GPHN: variants seen among roughly 807,000 people sequenced by gnomAD.
GPHN encodes the protein gephyrin.
In GPHN, 17 loss-of-function variants were observed where a neutral mutation model predicts 95.5. The ratio of observed to expected loss-of-function variants is 0.18; its 90% CI spans 0.12 to 0.27. The LOEUF is 0.27. GPHN is among the 10% of genes least tolerant of loss of function. GPHN has a pLI of 1.00. For missense variants in GPHN, 660 were observed against 978.1 expected (o/e 0.67, Z 4.34); for synonymous variants, 320 against 322.5 (o/e 0.99, Z 0.08).
At chr14:66,956,992 A>G (rs1006037269) in intron 8 of GPHN, among the ~76,000 whole-genome samples, 1 of 148,052 alleles carries the variant, frequency 6.8e-6, no homozygotes, top group Non-Finnish European at 1.5e-5. Context: ...GAGGGATAGC[A>G]CTGGGAGATA....
the GPHN span, chr14:67,471,833 C>G: frequency 2.6e-5 from 4 of 152,432 alleles, no homozygotes; most frequent in South Asian, 2.1e-4. Flanking sequence ...CAGGTGATAC[C>G]GTCACTTTGT....
the GPHN span, among the ~76,000 whole-genome samples, chr14:67,352,476 G>A: frequency 2.5e-4 from 38 of 151,740 alleles, 1 homozygote; most frequent in South Asian, 5.2e-3. Flanking sequence ...CATACCATGC[G>A]GTAGTACATG....
intron 17 of GPHN, among the ~76,000 whole-genome samples, chr14:67,127,975 A>C (rs2079435556): frequency 6.6e-6 from 1 of 152,194 alleles, no homozygotes; most frequent in Non-Finnish European, 1.5e-5. Flanking sequence ...TCTTTACCAC[A>C]ATTTTATATT....
At chr14:66,574,680 A>G (rs1417262671) in intron 1 of GPHN, among the ~76,000 whole-genome samples, 1 of 152,154 alleles carries the variant, frequency 6.6e-6, no homozygotes, top group Non-Finnish European at 1.5e-5. Flanking sequence ...TCTAGAGAAG[A>G]TTTGTTTGTG....
the GPHN span, among the ~76,000 whole-genome samples, chr14:67,600,717 T>A: frequency 6.6e-6 from 1 of 152,124 alleles, no homozygotes. Flanking sequence ...GTAGCTGGGA[T>A]TACAGGCGCG....
chr14:67,718,124 G>A, the GPHN span, among the ~76,000 whole-genome samples: 46 of 152,250 alleles, frequency 3.0e-4, 1 homozygote, highest in African/African-American at 1.1e-3. Flanking sequence ...TGCTGTTTGG[G>A]GTCAGGGCAT....
At position 66,845,873 on chromosome 14, in the gene GPHN, G is replaced by A. The variant is rs146223121; in HGVS notation, c.294+21307G>A. Reference sequence around the variant, plus strand: ...TGTGTGTGTGTGTCTGTGTGCGTGCGCACACGTGAACGTGTGTCTGTGTGT... The same window carrying A: ...TGTGTGTGTGTGTCTGTGTGCGTGCACACACGTGAACGTGTGTCTGTGTGT... On this transcript the variant is annotated intron_variant, in intron 4 of 22. Transcript: ENST00000478722. Among the ~76,000 whole-genome samples the A allele has an allele frequency of 6.2e-3, 944 of 151,612 alleles. 10 individuals carry two copies. Among genetic ancestry groups the A allele is most frequent in the African/African-American group, 0.018 (736 of 41,248 alleles).
chr14:66,972,715 CAT>C (rs1400663620), intron 9 of GPHN, among the ~76,000 whole-genome samples: 3 of 151,616 alleles, frequency 2.0e-5, no homozygotes, highest in Non-Finnish European at 2.9e-5. Context: ...TTAATATTGT[CAT>C]ATAATATTGT....
chr14:66,617,945 T>A (rs2063119215), intron 1 of GPHN, among the ~76,000 whole-genome samples: 1 of 152,178 alleles, frequency 6.6e-6, no homozygotes, highest in South Asian at 2.1e-4. Context: ...TGAAAGAGAT[T>A]ATCTTCTAAT....
the GPHN span, chr14:67,387,332 T>C: frequency 2.5e-6 from 4 of 1,609,454 alleles, no homozygotes; most frequent in African/African-American, 1.3e-5. Context: ...GTCCTTGTCA[T>C]GTTAGCTTTT....
chr14:67,703,555 C>T, the GPHN span, among the ~76,000 whole-genome samples: 1 of 152,076 alleles, frequency 6.6e-6, no homozygotes, highest in Non-Finnish European at 1.5e-5. Flanking sequence ...TTAGACGATC[C>T]TACATGTTAA....
At chr14:67,283,838 C>T in the GPHN span, among the ~76,000 whole-genome samples, 10 of 152,308 alleles carry the variant, frequency 6.6e-5, no homozygotes, top group African/African-American at 2.2e-4. Flanking sequence ...TACGTTGAAA[C>T]TTCATTCCAC....
intron 4 of GPHN, among the ~76,000 whole-genome samples, chr14:66,847,977 CTGTT>C (rs770920647): frequency 7.2e-5 from 11 of 152,094 alleles, no homozygotes; most frequent in African/African-American, 2.6e-4. Flanking sequence ...CCCAGAAAGA[CTGTT>C]TGGTGCAAAG....
At chr14:67,428,311 C>T in the GPHN span, among the ~76,000 whole-genome samples, 3 of 152,190 alleles carry the variant, frequency 2.0e-5, no homozygotes, top group East Asian at 5.8e-4. Flanking sequence ...AGAGGACCCA[C>T]CCACACCCAC....
chr14:67,428,767 C>G, the GPHN span, among the ~76,000 whole-genome samples: 1 of 152,230 alleles, frequency 6.6e-6, no homozygotes, highest in Non-Finnish European at 1.5e-5. Flanking sequence ...GGCCTGGCCT[C>G]CTTCCTTTAG....
intron 1 of GPHN, among the ~76,000 whole-genome samples, chr14:66,611,752 C>T (rs948761066): frequency 6.6e-6 from 1 of 152,186 alleles, no homozygotes; most frequent in Admixed American, 6.5e-5. Flanking sequence ...TCTTAGCCAT[C>T]AAATACCAGC....
chr14:66,549,360 G>A (rs1228185539), intron 1 of GPHN, among the ~76,000 whole-genome samples: 1 of 152,168 alleles, frequency 6.6e-6, no homozygotes, highest in Non-Finnish European at 1.5e-5. Context: ...GAAAGTTTGA[G>A]TAGCCTGGAT....
At chr14:67,411,136 CAAAAAAAAAAAA>C in the GPHN span, among the ~76,000 whole-genome samples, 1 of 52,072 alleles carries the variant, frequency 1.9e-5, no homozygotes, top group African/African-American at 7.2e-5. Context: ...GACCCTGTCT[CAAAAAAAAAAAA>C]AAAAAAAAAA....
intron 21 of GPHN, among the ~76,000 whole-genome samples, chr14:67,174,148 G>A (rs1347701592): frequency 6.6e-6 from 1 of 152,198 alleles, no homozygotes; most frequent in African/African-American, 2.4e-5. Flanking sequence ...AGGTATACAT[G>A]TGCCATGTTG....
Sources: allele counts gnomAD v4.1 joint callset (sites outside exome capture counted in the v4.1 genomes callset), GRCh38; gene constraint gnomAD v4.1.1; transcripts MANE v1.5; gene names NCBI Gene and HGNC (gene_info 2026-07-23, HGNC 2026-07-21).